BTBD1: variants seen among roughly 807,000 people sequenced by gnomAD.
The protein encoded by BTBD1 is BTB/POZ domain-containing protein 1.
Under a neutral mutation model 48.0 loss-of-function variants are expected in BTBD1, and 34 were observed. The ratio of observed to expected loss-of-function variants is 0.71; its 90% CI spans 0.54 to 0.94. BTBD1 has a LOEUF of 0.94. Ranked by LOEUF, BTBD1 falls within the 40% of genes least tolerant of loss-of-function variation. BTBD1 has a pLI of 0.00. For missense variants in BTBD1, 543 were observed against 625.6 expected (o/e 0.87, Z 1.41); for synonymous variants, 261 against 242.1 (o/e 1.08, Z -0.72).
intron 5 of BTBD1, chr15:83,024,332 TG>T (rs1347586816): frequency 2.0e-5 from 3 of 152,262 alleles, no homozygotes; most frequent in African/African-American, 7.2e-5. Context: ...TATATAGAGA[TG>T]ATAGTTATTT....
At chr15:83,044,549 AAC>A (rs141267011) in intron 3 of BTBD1, 48,156 of 1,597,294 alleles carry the variant, frequency 0.03, 852 homozygotes, top group Non-Finnish European at 0.035. Flanking sequence ...GCACTTTGAA[AAC>A]ACAGTTTTCT....
chr15:83,064,053 T>C (rs1274807277), intron 1 of BTBD1, among the ~76,000 whole-genome samples: 6 of 152,224 alleles, frequency 3.9e-5, no homozygotes, highest in Non-Finnish European at 8.8e-5. Context: ...GTCAAACAAC[T>C]GAAGAACATC....
chr15:83,035,131 T>C (rs1401509489), intron 4 of BTBD1, among the ~76,000 whole-genome samples: 1 of 151,930 alleles, frequency 6.6e-6, no homozygotes, highest in Non-Finnish European at 1.5e-5. Context: ...CTGTCTCTAC[T>C]AAAAATATAA....
At chr15:83,056,911 G>A (rs1378833225) in intron 1 of BTBD1, among the ~76,000 whole-genome samples, 1 of 151,950 alleles carries the variant, frequency 6.6e-6, no homozygotes, top group Non-Finnish European at 1.5e-5. Flanking sequence ...GCCCAGACTG[G>A]TCTTGAACTC....
At chr15:83,026,061 G>A (rs2032400522) in intron 5 of BTBD1, among the ~76,000 whole-genome samples, 2 of 152,018 alleles carry the variant, frequency 1.3e-5, no homozygotes, top group African/African-American at 4.8e-5. Flanking sequence ...GAGCCACCAC[G>A]CCTGGCCCAT....
At chr15:83,060,126 G>A (rs1391402894) in intron 1 of BTBD1, among the ~76,000 whole-genome samples, 3 of 152,012 alleles carry the variant, frequency 2.0e-5, no homozygotes, top group Non-Finnish European at 4.4e-5. Flanking sequence ...CACGTTAATT[G>A]ACTAGACAAT....
At chr15:83,055,210 C>T (rs891704024) in intron 2 of BTBD1, among the ~76,000 whole-genome samples, 1 of 151,988 alleles carries the variant, frequency 6.6e-6, no homozygotes, top group Non-Finnish European at 1.5e-5. Flanking sequence ...AAAGGTTCCA[C>T]AGTTGTGTTC....
In BTBD1 at chr15:83,042,453, G is replaced by A. The variant is rs777500425; in HGVS notation, c.665-528C>T. On this transcript the variant is annotated intron_variant, in intron 3 of 7. Transcript: ENST00000261721. The stretch of plus-strand genomic sequence containing the variant: ...GGCTGGAGTGCAGAGGCACAATCTC[G>A]GCTCAATGCAACCTCTGCCTCCTAG... 2.0e-5 allele frequency among the ~76,000 whole-genome samples: 3 copies of A among 149,162 alleles called. No individual in the cohort carries two copies. The East Asian group carries it at 5.8e-4, about 29-fold the overall frequency.
intron 1 of BTBD1, among the ~76,000 whole-genome samples, chr15:83,059,867 T>C (rs553789392): frequency 2.0e-5 from 3 of 152,308 alleles, no homozygotes; most frequent in South Asian, 4.1e-4. Flanking sequence ...GCTGGGATTA[T>C]AGGCCTGAGC....
At chr15:83,032,501 G>C (rs1596429283) in intron 4 of BTBD1, among the ~76,000 whole-genome samples, 1 of 152,026 alleles carries the variant, frequency 6.6e-6, no homozygotes, top group African/African-American at 2.4e-5. Flanking sequence ...CCAACAACTG[G>C]ATGAAGAAAA....
rs938791939 is a variant in BTBD1, at chr15:83,026,622, A to G, written c.1055+3514T>C. On this transcript the variant is annotated intron_variant, in intron 5 of 7. Transcript: ENST00000261721. The stretch of plus-strand genomic sequence containing the variant: ...ACCACAACCTCCACCTCCCAGGTTC[A>G]AGCAATTCTCCTGCCTCAGCCTCCC... 2.7e-5 allele frequency among the ~76,000 whole-genome samples: 4 copies of G among 149,342 alleles called. No homozygotes were observed. The East Asian group carries it at 7.9e-4, about 29-fold the overall frequency.
In BTBD1 at chr15:83,018,158, T is replaced by G. The variant is rs1312230316; in HGVS notation, c.1358A>C (p.Lys453Thr). 3.1e-6 allele frequency: 5 copies of G among 1,613,124 alleles called. No individual in the cohort carries two copies. Reference protein sequence around the residue: ...KVVHETPAASKTVFFFFSSPG... With the variant: ...KVVHETPAASTTVFFFFSSPG... ...GGAACTAAAAAAGAAAAAAACAGTC[T>G]TGCTTGCAGCAGGTGTCTCATGCAC... is the stretch of plus-strand genomic sequence containing the variant. The change falls in exon 8 of 8, where the codon AAG becomes ACG. Residue 453 changes from lysine (K) to threonine (T), a missense_variant. This residue lies in a region of BTBD1 where 300 missense variants were observed against 350.0 expected (regional missense o/e 0.86). Transcript: ENST00000261721.
At chr15:83,044,387 T>C in intron 3 of BTBD1, 6 of 1,541,912 alleles carry the variant, frequency 3.9e-6, no homozygotes, top group Non-Finnish European at 5.3e-6. Context: ...GTTCAGCAGC[T>C]GGGAGGAAGA....
intron 4 of BTBD1, among the ~76,000 whole-genome samples, chr15:83,032,914 C>A (rs1021385198): frequency 2.2e-5 from 3 of 136,370 alleles, no homozygotes; most frequent in Non-Finnish European, 4.5e-5. Context: ...GGAGGTTGCA[C>A]TGAGATGAAA....
intron 3 of BTBD1, 52 bp downstream of exon 3, chr15:83,050,017 CAAGT>C (rs1361884093): frequency 4.8e-6 from 5 of 1,041,224 alleles, no homozygotes; most frequent in Middle Eastern, 2.1e-4. Context: ...ACAAGGCTGA[CAAGT>C]AAGGCATTAA....
Position 83,020,667 on chromosome 15 carries a change from A to C in BTBD1, c.1143+8T>G, listed in dbSNP as rs761896463. The C allele has an allele frequency of 5.2e-6, 8 of 1,549,492 alleles. No individual in the cohort carries two copies. The highest frequency in any genetic ancestry group is 1.4e-5 in the African/African-American group (1 of 73,230). On this transcript the variant is annotated splice_region_variant and intron_variant, in intron 6 of 7. Transcript: ENST00000261721. ...CAAAATGATATATGGTGGGGGAGGA[A>C]ACTGTACCTGTATATTCACTTGATA...
At chr15:83,043,606 G>A (rs2032811327) in intron 3 of BTBD1, among the ~76,000 whole-genome samples, 1 of 152,224 alleles carries the variant, frequency 6.6e-6, no homozygotes, top group African/African-American at 2.4e-5. Flanking sequence ...AGCAGTGGAA[G>A]TGGTGAAAAT....
chr15:83,029,137 G>A (rs1173916240), intron 5 of BTBD1, among the ~76,000 whole-genome samples: 1 of 152,194 alleles, frequency 6.6e-6, no homozygotes, highest in East Asian at 1.9e-4. Context: ...TTATTAAATA[G>A]TCTACAAGTA....
chr15:83,054,536 G>A (rs1315655452), intron 2 of BTBD1, among the ~76,000 whole-genome samples: 1 of 146,982 alleles, frequency 6.8e-6, no homozygotes, highest in Non-Finnish European at 1.5e-5. Context: ...GAGAGAAGAT[G>A]TTTTTAAAAG....
Sources: gnomAD v4.1 joint callset for allele counts (sites outside exome capture counted in the v4.1 genomes callset) on GRCh38, gnomAD v4.1.1 for gene constraint, gnomAD v4.1.1 regional missense constraint, MANE v1.5 for transcripts, NCBI Gene and HGNC (gene_info 2026-07-23, HGNC 2026-07-21) for gene names.